The following LZTFL1 variants were observed in gnomAD, a reference collection of about 807,000 sequenced individuals.
The protein encoded by LZTFL1 is leucine zipper transcription factor-like protein 1.
Under a neutral mutation model 45.9 loss-of-function variants are expected in LZTFL1, and 25 were observed. That is an observed-to-expected ratio of 0.54 (90% CI 0.40 to 0.76). LZTFL1 has a LOEUF of 0.76. Ranked by LOEUF, LZTFL1 falls within the 30% of genes least tolerant of loss-of-function variation. The probability of loss-of-function intolerance (pLI) is 0.00; values close to 1 mark genes in which losing one functional copy is unlikely to be tolerated. For synonymous variants in LZTFL1, 93 were observed against 117.4 expected (o/e 0.79, Z 1.35); for missense variants, 277 against 331.1 (o/e 0.84, Z 1.27).
rs551085477 is a variant in LZTFL1, at chr3:45,842,094, G to T, written c.-103C>A. On this transcript the variant is annotated 5_prime_UTR_variant, in exon 1 of 10. Transcript: ENST00000296135. ...TAGTTGGACCACAGAAAATGGGGAA[G>T]GAGGGTAGGTTGTTTAGAAGCCTCT... 6.4e-7 allele frequency: 1 copy of T among 1,565,596 alleles called. No homozygotes were observed. Among genetic ancestry groups the T allele is most frequent in the South Asian group, 1.2e-5 (1 of 85,928 alleles).
intron 2 of LZTFL1, among the ~76,000 whole-genome samples, chr3:45,863,187 A>T (rs1049130613): frequency 6.6e-6 from 1 of 152,236 alleles, no homozygotes; most frequent in African/African-American, 2.4e-5. Context: ...AAGTGCGTCT[A>T]ATGTCCTTCA....
chr3:45,912,151 T>G (rs1702806372), intron 2 of LZTFL1, among the ~76,000 whole-genome samples: 1 of 152,194 alleles, frequency 6.6e-6, no homozygotes, highest in African/African-American at 2.4e-5. Flanking sequence ...AACAAATCCT[T>G]TCCTGTTTTT....
chr3:45,881,129 G>T (rs1336107267), intron 2 of LZTFL1, among the ~76,000 whole-genome samples: 1 of 152,224 alleles, frequency 6.6e-6, no homozygotes, highest in Non-Finnish European at 1.5e-5. Context: ...AAAACCTCAG[G>T]AGTTGAGGAT....
intron 2 of LZTFL1, among the ~76,000 whole-genome samples, chr3:45,880,299 T>TCAGG (rs1701831348): frequency 6.6e-6 from 1 of 152,080 alleles, no homozygotes; most frequent in Non-Finnish European, 1.5e-5. Context: ...GTCAGGAGTT[T>TCAGG]GAAACCAGCC....
At chr3:45,899,162 G>A (rs1380993151) in intron 2 of LZTFL1, among the ~76,000 whole-genome samples, 1 of 152,208 alleles carries the variant, frequency 6.6e-6, no homozygotes, top group African/African-American at 2.4e-5. Flanking sequence ...GCAAAACTCC[G>A]TCTCAAAACA....
At chr3:45,853,890 G>T (rs1024014891) in intron 4 of LZTFL1, among the ~76,000 whole-genome samples, 2 of 152,154 alleles carry the variant, frequency 1.3e-5, no homozygotes, top group Non-Finnish European at 2.9e-5. Flanking sequence ...CTTCTCCAGA[G>T]AGTGGCCTCT....
In LZTFL1 at chr3:45,901,340, C is replaced by A. The variant is rs1167237160; in HGVS notation, c.-215+11780G>T. Reference sequence around the variant, plus strand: ...CAGCTGCTCTCTGCATCCCAGAAATCTTATACAGCCAAATCAAGGAGGAAT... The same window carrying A: ...CAGCTGCTCTCTGCATCCCAGAAATATTATACAGCCAAATCAAGGAGGAAT... On this transcript the variant is annotated intron_variant, in intron 2 of 4. Coordinates refer to the LZTFL1 transcript ENST00000472635. The surrounding 1 kb of genome is among the most constrained non-coding windows in gnomAD (Gnocchi z 4.3). 1.2e-6 allele frequency: 2 copies of A among 1,614,072 alleles called. No individual in the cohort carries two copies. The highest frequency in any genetic ancestry group is 1.7e-6 in the Non-Finnish European group (2 of 1,180,034).
intron 4 of LZTFL1, among the ~76,000 whole-genome samples, chr3:45,850,520 G>A (rs1396932467): frequency 6.6e-6 from 1 of 152,198 alleles, no homozygotes; most frequent in East Asian, 1.9e-4. Flanking sequence ...ATTCTCGGAT[G>A]CCCTGATTCC....
chr3:45,874,734 C>A (rs185164792), intron 2 of LZTFL1, among the ~76,000 whole-genome samples: 25 of 152,326 alleles, frequency 1.6e-4, no homozygotes, highest in Non-Finnish European at 3.2e-4. Flanking sequence ...TGAATCCGGG[C>A]GGACTTTGTG....
rs1194685675 is a variant in LZTFL1, at chr3:45,901,810, C to T, written c.-215+11310G>A. 5.0e-6 allele frequency: 8 copies of T among 1,613,854 alleles called. No homozygotes were observed. Among genetic ancestry groups the T allele is most frequent in the Non-Finnish European group, 5.9e-6 (7 of 1,179,926 alleles). ...AAGAACTTGGGTTGCATCAGCCAGG[C>T]CCAGTGGGTTTCATTTACAAGGAGA... On this transcript the variant is annotated intron_variant, in intron 2 of 4. Transcript: ENST00000472635. The surrounding 1 kb of genome is among the most constrained non-coding windows in gnomAD (Gnocchi z 4.3).
At position 45,833,117 on chromosome 3, in the gene LZTFL1, A is replaced by G; in HGVS notation, c.389T>C (p.Ile130Thr). The G allele has an allele frequency of 1.2e-6, 2 of 1,611,974 alleles. No homozygotes were observed. Among genetic ancestry groups the G allele is most frequent in the Non-Finnish European group, 1.7e-6 (2 of 1,178,086 alleles). The change falls in exon 5 of 10, where the codon ATC becomes ACC. Residue 130 changes from isoleucine to threonine, a missense_variant. Physicochemically the swap from Ile to Thr is moderately conservative, Grantham distance 89 (BLOSUM62 -1). Coordinates refer to ENST00000296135, the MANE Select transcript of LZTFL1 (RefSeq NM_020347.4). ...AAGTTTTGGCTTTGTGACATCTAAGATGGGCTGAAACAAAATAAAGAAACC... is the reference window on the plus strand; with the variant it reads ...AAGTTTTGGCTTTGTGACATCTAAGGTGGGCTGAAACAAAATAAAGAAACC... ...AEITSSNKKP[I>T]LDVTKPKLAP... is the part of the protein sequence containing the mutation.
chr3:45,871,946 G>A (rs1276151147), intron 2 of LZTFL1, among the ~76,000 whole-genome samples: 2 of 152,158 alleles, frequency 1.3e-5, no homozygotes, highest in African/African-American at 2.4e-5. Context: ...TTTATCAGTT[G>A]CCCACGTAAG....
intron 3 of LZTFL1, chr3:45,855,111 G>T: frequency 7.7e-7 from 1 of 1,300,816 alleles, no homozygotes. Context: ...ATTATAAGTT[G>T]TATCTTAAAA....
intron 2 of LZTFL1, among the ~76,000 whole-genome samples, chr3:45,891,103 CA>C (rs1237957704): frequency 2.0e-5 from 3 of 152,060 alleles, no homozygotes; most frequent in African/African-American, 4.8e-5. Flanking sequence ...ACTTTTGTAA[CA>C]AAAAAAGTCA....
rs1700586990 is a variant in LZTFL1 at position 45,823,454 on chromosome 3, A to AT, written c.*2859dup. ...ATCAATTCATGTTTTACAATAGGCA[A>AT]TAACAGCTACACGCTTACTTGATGA... On this transcript the variant is annotated 3_prime_UTR_variant, in exon 10 of 10. Transcript: ENST00000296135. The AT allele has an allele frequency of 1.3e-5, 2 of 152,248 alleles. No homozygotes were observed. Among genetic ancestry groups the AT allele is most frequent in the Non-Finnish European group, 2.9e-5 (2 of 68,058 alleles). The allele number at this position is 152,248 out of a possible 1,614,324, so 9.4% of individuals were successfully genotyped here.
chr3:45,842,589 C>T (rs1701148721), upstream of LZTFL1, among the ~76,000 whole-genome samples: 1 of 152,146 alleles, frequency 6.6e-6, no homozygotes, highest in African/African-American at 2.4e-5. Context: ...CTCCCCATGA[C>T]TCCGCCCATT....
intron 2 of LZTFL1, among the ~76,000 whole-genome samples, chr3:45,879,310 A>G (rs1701809051): frequency 6.6e-6 from 1 of 152,248 alleles, no homozygotes; most frequent in South Asian, 2.1e-4. Flanking sequence ...TCCAGACAAT[A>G]GTTTATGTTA....
At chr3:45,897,487 A>G (rs769084137) in intron 2 of LZTFL1, 91 of 899,734 alleles carry the variant, frequency 1.0e-4, no homozygotes, top group Non-Finnish European at 1.3e-4. Flanking sequence ...GTGCCTGCTC[A>G]CCGGGCAGTG....
At chr3:45,863,440 A>G (rs948144384) in intron 2 of LZTFL1, among the ~76,000 whole-genome samples, 1 of 152,188 alleles carries the variant, frequency 6.6e-6, no homozygotes, top group Non-Finnish European at 1.5e-5. Flanking sequence ...CCAAAATAAC[A>G]GTATGATGAT....
Sources: gnomAD v4.1 joint callset for allele counts (sites outside exome capture counted in the v4.1 genomes callset) on GRCh38, gnomAD v4.1.1 for gene constraint, Gnocchi (gnomAD v3.1) non-coding constraint, MANE v1.5 for transcripts, NCBI Gene and HGNC (gene_info 2026-07-23, HGNC 2026-07-21) for gene names.